Variants in AFDN observed in about 807,000 individuals in gnomAD.
AFDN encodes afadin, adherens junction formation factor.
AFDN carries 68 observed loss-of-function variants against 216.6 expected under a neutral mutation model. The ratio of observed to expected loss-of-function variants is 0.31; its 90% CI spans 0.26 to 0.38. AFDN has a LOEUF of 0.38. Among genes scored for constraint, AFDN ranks in the 10% least tolerant of loss-of-function variants. The pLI, the probability that AFDN is intolerant of heterozygous loss-of-function variation, is 1.00. For synonymous variants in AFDN, 868 were observed against 853.7 expected (o/e 1.02, Z -0.29); for missense variants, 2,136 against 2,342.0 (o/e 0.91, Z 1.82).
At chr6:167,860,908 G>A (rs964177556) in intron 1 of AFDN, among the ~76,000 whole-genome samples, 2 of 152,116 alleles carry the variant, frequency 1.3e-5, no homozygotes, top group Admixed American at 1.3e-4. Context: ...GTTTCTTCTG[G>A]AACTTTTCTT....
At chr6:167,908,387 A>G (rs1394594233) in intron 13 of AFDN, among the ~76,000 whole-genome samples, 1 of 152,228 alleles carries the variant, frequency 6.6e-6, no homozygotes, top group Non-Finnish European at 1.5e-5. Flanking sequence ...GTTCTAATGC[A>G]AGATTTTTAT....
Position 167,950,392 on chromosome 6 carries a change from C to CTGTG in AFDN, c.3832-792_3832-789dup, listed in dbSNP as rs201112836. On this transcript the variant is annotated intron_variant, in intron 29 of 33. Transcript: ENST00000683244. The stretch of plus-strand genomic sequence containing the variant: ...TTGGAAAAAGTATACTCATTTTTCT[C>CTGTG]TGTGTCTGTGTGTGTGTGTGTGTGT... Among the ~76,000 whole-genome samples the CTGTG allele has an allele frequency of 7.4e-3, 1,026 of 139,314 alleles. 10 individuals are homozygous for CTGTG. The highest frequency in any genetic ancestry group is 0.018 in the African/African-American group (705 of 39,934). The allele number at this position is 139,314 out of a possible 152,430, so 91.4% of individuals were successfully genotyped here. A position where few individuals can be genotyped will look rare whatever the true frequency, so the allele number is the denominator to read the frequency against.
chr6:167,924,803 G>T, intron 22 of AFDN: 1 of 592,926 alleles, frequency 1.7e-6, no homozygotes, highest in Non-Finnish European at 3.1e-6. Context: ...TAAGACTTGA[G>T]TCAAGAATAT....
chr6:167,869,445 T>G (rs1283048289), intron 2 of AFDN, among the ~76,000 whole-genome samples: 1 of 152,208 alleles, frequency 6.6e-6, no homozygotes, highest in Non-Finnish European at 1.5e-5. Context: ...TGTTTAAATT[T>G]GTAGCACTGG....
intron 30 of AFDN, among the ~76,000 whole-genome samples, chr6:167,960,726 C>T (rs942062173): frequency 2.6e-5 from 4 of 152,116 alleles, no homozygotes; most frequent in Admixed American, 6.5e-5. Flanking sequence ...TTGCTCTGGC[C>T]CCTGGTGCAG....
chr6:167,910,996 T>G (rs2128453733), intron 13 of AFDN, 105 bp from the exon 14 acceptor site: 1 of 883,048 alleles, frequency 1.1e-6, no homozygotes, highest in South Asian at 1.5e-5. Context: ...GTTGGAAAGA[T>G]TAGTATATAG....
intron 5 of AFDN, among the ~76,000 whole-genome samples, chr6:167,878,015 A>G (rs186015249): frequency 2.6e-5 from 4 of 151,986 alleles, no homozygotes; most frequent in South Asian, 2.1e-4. Context: ...AAAATGCCCT[A>G]TATATCTCAG....
intron 27 of AFDN, among the ~76,000 whole-genome samples, chr6:167,947,471 G>GCT (rs754602637): frequency 0.11 from 16,633 of 152,156 alleles, 1,049 homozygotes; most frequent in South Asian, 0.22. Context: ...GAGCCACCAT[G>GCT]CCCAGCCAAT....
intron 1 of AFDN, among the ~76,000 whole-genome samples, chr6:167,835,338 A>T (rs1780301704): frequency 2.0e-5 from 3 of 152,244 alleles, no homozygotes; most frequent in Admixed American, 2.0e-4. Flanking sequence ...ATGTCTGTCA[A>T]ATATCTAAGC....
intron 1 of AFDN, among the ~76,000 whole-genome samples, chr6:167,844,872 G>GTT (rs1289118837): frequency 8.7e-5 from 12 of 137,400 alleles, no homozygotes; most frequent in Admixed American, 3.0e-4. Context: ...TTTTTTTTTG[G>GTT]TTTTTGAGAC....
rs201159622 is a variant in AFDN at position 167,947,469 on chromosome 6, A to G, written c.3554-384A>G. ...GCTGGGATTACAGGCTTGAGCCACC[A>G]TGCCCAGCCAATATTTTTTACATTT... On this transcript the variant is annotated intron_variant, in intron 27 of 33. Transcript: ENST00000683244. 8.9e-3 allele frequency among the ~76,000 whole-genome samples: 1,080 copies of G among 121,300 alleles called. 3 individuals carry two copies. Among genetic ancestry groups the G allele is most frequent in the African/African-American group, 0.025 (800 of 32,520 alleles). The allele number at this position is 121,300 out of a possible 152,430, so 79.6% of individuals were successfully genotyped here.
At chr6:167,834,022 G>A (rs1455516085) in intron 1 of AFDN, among the ~76,000 whole-genome samples, 2 of 152,112 alleles carry the variant, frequency 1.3e-5, no homozygotes, top group South Asian at 2.1e-4. Flanking sequence ...GATTTTACAC[G>A]AGCTTTTTAA....
At position 167,832,317 on chromosome 6, in the gene AFDN, T is replaced by A. The variant is rs191997870; in HGVS notation, c.105+5080T>A. Among the ~76,000 whole-genome samples, 5 of 152,258 alleles carry A rather than the reference T, an allele frequency of 3.3e-5. No individual in the cohort carries two copies. In the East Asian group the frequency reaches 9.6e-4, roughly 29 times the overall value. On this transcript the variant is annotated intron_variant, in intron 1 of 33. Transcript: ENST00000683244. ...AGTTCGTGTCTCTCTATGTGGGAGT[T>A]CATAGCAGGAGTGTGCGTGTTCTAA...
chr6:167,831,081 A>G (rs1016298191), intron 1 of AFDN, among the ~76,000 whole-genome samples: 1 of 151,796 alleles, frequency 6.6e-6, no homozygotes, highest in African/African-American at 2.4e-5. Flanking sequence ...AGCTGGGATT[A>G]CAAGCATGTG....
chr6:167,931,687 A>G lies in AFDN; in HGVS notation c.3099+6596A>G, dbSNP rs1024404028. ...GCCGAGATAACACTGTATAGTTGAT[A>G]GGTATGTGGGTCTGCTTACATCATT... On this transcript the variant is annotated intron_variant, in intron 23 of 33. Transcript: ENST00000683244. Among the ~76,000 whole-genome samples the G allele has an allele frequency of 2.0e-5, 3 of 152,118 alleles. No homozygotes were observed. In the East Asian group the frequency reaches 5.8e-4, roughly 29 times the overall value.
Position 167,915,453 on chromosome 6 carries a change from C to A in AFDN, c.2565+20C>A, listed in dbSNP as rs1364581188. 2 of 1,591,544 alleles carry A rather than the reference C, an allele frequency of 1.3e-6. No homozygotes were observed. The highest frequency in any genetic ancestry group is 4.5e-5 in the East Asian group (2 of 44,544). On this transcript the variant is annotated intron_variant, in intron 19 of 33. Transcript: ENST00000683244. ...GTGCAGGTGATTGCTGGTGCCACTC[C>A]CCAGCTCATGTGCTTTATGATAAAG...
chr6:167,914,138 G>C (rs1398494793), intron 16 of AFDN, 30 bp from the exon 17 acceptor site: 1 of 1,610,354 alleles, frequency 6.2e-7, no homozygotes, highest in Admixed American at 1.7e-5. Flanking sequence ...TTTATTCTCT[G>C]TTGCTTATGG....
At chr6:167,854,798 C>G (rs1288422673) in intron 1 of AFDN, among the ~76,000 whole-genome samples, 4 of 150,030 alleles carry the variant, frequency 2.7e-5, no homozygotes, top group Non-Finnish European at 4.4e-5. Flanking sequence ...TAGGCTGACC[C>G]TTCATATTTA....
chr6:167,962,731 C>T lies in AFDN; in HGVS notation c.4968+164C>T. The T allele has an allele frequency of 6.6e-7, 1 of 1,504,342 alleles. No homozygotes were observed. Among genetic ancestry groups the T allele is most frequent in the Non-Finnish European group, 8.8e-7 (1 of 1,130,442 alleles). 93.2% of individuals were successfully genotyped at this position (1,504,342 alleles called of 1,614,324 possible). A position where few individuals can be genotyped will look rare whatever the true frequency, so the allele number is the denominator to read the frequency against. On this transcript the variant is annotated intron_variant, in intron 31 of 33. Coordinates refer to ENST00000683244, the MANE Select transcript of AFDN (RefSeq NM_001386888.1). This position sits in a 1 kb window ranked among gnomAD's most constrained non-coding sequence, Gnocchi z 5.2. ...GATTGGACCTGCAACTTTACCCCAT[C>T]TGGCCCACCTACCTCTCTTCTGGAC...
Sources: gnomAD v4.1 joint callset for allele counts (sites outside exome capture counted in the v4.1 genomes callset) on GRCh38, gnomAD v4.1.1 for gene constraint, Gnocchi (gnomAD v3.1) non-coding constraint, MANE v1.5 for transcripts, NCBI Gene and HGNC (gene_info 2026-07-23, HGNC 2026-07-21) for gene names.